PTPRM: variants seen among roughly 807,000 people sequenced by gnomAD.
The protein encoded by PTPRM is receptor-type tyrosine-protein phosphatase mu.
A neutral mutation model predicts 186.7 loss-of-function variants in PTPRM; 47 were observed. The observed-to-expected ratio is 0.25, with a 90% CI of 0.20 to 0.32. The LOEUF is 0.32. PTPRM is among the 10% of genes least tolerant of loss of function. The pLI, the probability that PTPRM is intolerant of heterozygous loss-of-function variation, is 1.00. For synonymous variants in PTPRM, 668 were observed against 674.9 expected, an observed-to-expected ratio of 0.99 and a Z score of 0.16; for missense variants, 1,494 against 1,865.0, an observed-to-expected ratio of 0.80 and a Z score of 3.66.
chr18:7,736,053 G>C (rs1171614485), intron 1 of PTPRM, among the ~76,000 whole-genome samples: 1 of 151,798 alleles, frequency 6.6e-6, no homozygotes, highest in Non-Finnish European at 1.5e-5. Flanking sequence ...TCAGGCATAT[G>C]TTCTCAGGAC....
At chr18:8,222,006 T>C (rs2094158991) in intron 14 of PTPRM, among the ~76,000 whole-genome samples, 1 of 152,210 alleles carries the variant, frequency 6.6e-6, no homozygotes, top group African/African-American at 2.4e-5. Flanking sequence ...CCATAAATTG[T>C]CTCCCACCAC....
At chr18:8,248,285 G>A (rs1346543487) in intron 17 of PTPRM, 109 bp downstream of exon 17, 2 of 1,082,308 alleles carry the variant, frequency 1.8e-6, no homozygotes, top group Non-Finnish European at 1.4e-6. Context: ...GTGATTATAA[G>A]CACGACATGT....
intron 22 of PTPRM, among the ~76,000 whole-genome samples, chr18:8,343,198 A>T (rs1339340354): frequency 6.6e-6 from 1 of 152,234 alleles, no homozygotes; most frequent in Admixed American, 6.5e-5. Flanking sequence ...TCAAAGGCAG[A>T]TGTTTGATGA....
At chr18:8,275,495 G>C (rs1447881087) in intron 19 of PTPRM, among the ~76,000 whole-genome samples, 1 of 152,130 alleles carries the variant, frequency 6.6e-6, no homozygotes, top group Non-Finnish European at 1.5e-5. Context: ...TGCGTTTAGA[G>C]CTTTATAGGT....
intron 15 of PTPRM, among the ~76,000 whole-genome samples, chr18:8,246,026 AG>A (rs2094473833): frequency 6.6e-6 from 1 of 152,238 alleles, no homozygotes; most frequent in Admixed American, 6.5e-5. Context: ...TAAAGCCAAC[AG>A]AAGGAACACA....
chr18:7,700,574 T>C (rs1356972602), intron 1 of PTPRM, among the ~76,000 whole-genome samples: 1 of 152,228 alleles, frequency 6.6e-6, no homozygotes, highest in Non-Finnish European at 1.5e-5. Context: ...AAGAAACCAA[T>C]GTAAAACCTG....
chr18:8,050,252 A>G (rs1204520386), intron 7 of PTPRM, among the ~76,000 whole-genome samples: 1 of 152,216 alleles, frequency 6.6e-6, no homozygotes, highest in Non-Finnish European at 1.5e-5. Flanking sequence ...TCTCTTTGAT[A>G]GTTGTGACGT....
intron 14 of PTPRM, among the ~76,000 whole-genome samples, chr18:8,183,484 T>A (rs1251722819): frequency 6.6e-6 from 1 of 152,192 alleles, no homozygotes; most frequent in Non-Finnish European, 1.5e-5. Flanking sequence ...TCTGCTTCAT[T>A]TTGCTTTCAG....
chr18:7,626,545 ACCCTCTC>A lies in PTPRM; in HGVS notation c.73+58664_73+58670del, dbSNP rs528311988. Among the ~76,000 whole-genome samples the A allele has an allele frequency of 1.1e-3, 172 of 152,056 alleles. 1 individual carries two copies. The highest frequency in any genetic ancestry group is 4.1e-3 in the African/African-American group (168 of 41,474). The stretch of plus-strand genomic sequence containing the variant: ...CATACAGATGACTTCTGCTGGTATG[ACCCTCTC>A]CCCTCTCCCAGCCACACAGCTGGTG... On this transcript the variant is annotated intron_variant, in intron 1 of 32. Transcript: ENST00000580170.
intron 7 of PTPRM, among the ~76,000 whole-genome samples, chr18:8,052,542 G>A (rs1205706966): frequency 6.6e-6 from 1 of 152,190 alleles, no homozygotes; most frequent in Non-Finnish European, 1.5e-5. Flanking sequence ...GCTCTACTGT[G>A]TAGGTTTGGG....
intron 2 of PTPRM, among the ~76,000 whole-genome samples, chr18:7,781,826 A>G (rs552345869): frequency 2.0e-5 from 3 of 152,292 alleles, no homozygotes; most frequent in Non-Finnish European, 2.9e-5. Flanking sequence ...TTGATTCTGA[A>G]TAATTCCAGT....
intron 2 of PTPRM, among the ~76,000 whole-genome samples, chr18:7,827,261 T>A (rs2045534951): frequency 6.6e-6 from 1 of 152,228 alleles, no homozygotes; most frequent in Non-Finnish European, 1.5e-5. Flanking sequence ...CACAGTACTT[T>A]CCTTCAATCA....
chr18:8,322,382 G>C (rs1365813627), intron 22 of PTPRM, among the ~76,000 whole-genome samples: 1 of 152,134 alleles, frequency 6.6e-6, no homozygotes, highest in African/African-American at 2.4e-5. Flanking sequence ...CAGATCTGTT[G>C]CTTTTTTAGT....
chr18:8,226,657 C>T (rs2094217490), intron 14 of PTPRM, among the ~76,000 whole-genome samples: 1 of 152,138 alleles, frequency 6.6e-6, no homozygotes, highest in South Asian at 2.1e-4. Context: ...AAATTCTGAA[C>T]ACTGTTTGAT....
chr18:7,569,508 T>G (rs2036519742), intron 1 of PTPRM, among the ~76,000 whole-genome samples: 1 of 152,224 alleles, frequency 6.6e-6, no homozygotes, highest in African/African-American at 2.4e-5. Context: ...GAGAGCCTTG[T>G]AACTCATTAG....
intron 2 of PTPRM, among the ~76,000 whole-genome samples, chr18:7,789,086 C>T (rs2043218707): frequency 6.6e-6 from 1 of 152,136 alleles, no homozygotes; most frequent in Non-Finnish European, 1.5e-5. Context: ...TTTTGGAAAG[C>T]CAAGGCAGGA....
intron 1 of PTPRM, among the ~76,000 whole-genome samples, chr18:7,699,247 T>C (rs904724464): frequency 6.6e-6 from 1 of 152,128 alleles, no homozygotes. Flanking sequence ...GCTGAAAAGG[T>C]TGGGGACTGC....
intron 1 of PTPRM, among the ~76,000 whole-genome samples, chr18:7,642,860 AAAAAAAAG>A (rs985412682): frequency 2.7e-5 from 4 of 150,784 alleles, no homozygotes; most frequent in African/African-American, 9.7e-5. Context: ...AAAAAAAAAA[AAAAAAAAG>A]AAGAAGAAAG....
intron 7 of PTPRM, among the ~76,000 whole-genome samples, chr18:8,023,860 A>G (rs991637220): frequency 2.1e-5 from 3 of 142,686 alleles, no homozygotes; most frequent in African/African-American, 5.1e-5. Flanking sequence ...ACACACACAC[A>G]CACACACACA....
Sources: allele counts gnomAD v4.1 joint callset (sites outside exome capture counted in the v4.1 genomes callset), GRCh38; gene constraint gnomAD v4.1.1; transcripts MANE v1.5; gene names NCBI Gene and HGNC (gene_info 2026-07-23, HGNC 2026-07-21).